ADAM2: variants seen among roughly 807,000 people sequenced by gnomAD.
The protein encoded by ADAM2 is disintegrin and metalloproteinase domain-containing protein 2.
A neutral mutation model predicts 99.3 loss-of-function variants in ADAM2; 101 were observed. The ratio of observed to expected loss-of-function variants is 1.02; its 90% CI spans 0.87 to 1.20. The LOEUF (loss-of-function observed/expected upper bound fraction) is 1.20. Ranked by LOEUF, ADAM2 falls within the 50% of genes most tolerant of loss-of-function variation. The pLI, the probability that ADAM2 is intolerant of heterozygous loss-of-function variation, is 0.00. For missense variants in ADAM2, 948 were observed against 878.7 expected (o/e 1.08, Z -1.00); for synonymous variants, 323 against 287.6 (o/e 1.12, Z -1.25).
chr8:39,807,394 T>G (rs952204968), intron 7 of ADAM2, among the ~76,000 whole-genome samples: 3 of 152,122 alleles, frequency 2.0e-5, no homozygotes, highest in Non-Finnish European at 4.4e-5. Context: ...TTGGAGCTGT[T>G]AGGATGGAAT....
At chr8:39,764,583 C>T (rs1802489859) in intron 14 of ADAM2, among the ~76,000 whole-genome samples, 1 of 152,218 alleles carries the variant, frequency 6.6e-6, no homozygotes, top group Non-Finnish European at 1.5e-5. Context: ...CAGATTTGAG[C>T]ATTGCCTTTT....
chr8:39,770,147 C>T (rs2129584289), intron 11 of ADAM2, among the ~76,000 whole-genome samples: 2 of 152,152 alleles, frequency 1.3e-5, no homozygotes, highest in Middle Eastern at 6.8e-3. Context: ...TGGGGTTTCA[C>T]CATGTTGGCC....
At chr8:39,762,140 C>T (rs1350661971) in intron 14 of ADAM2, among the ~76,000 whole-genome samples, 1 of 152,212 alleles carries the variant, frequency 6.6e-6, no homozygotes, top group Non-Finnish European at 1.5e-5. Flanking sequence ...TTTCTCATAA[C>T]CTCCAACTGC....
intron 7 of ADAM2, among the ~76,000 whole-genome samples, chr8:39,795,184 T>C (rs1371946811): frequency 6.6e-6 from 1 of 152,124 alleles, no homozygotes; most frequent in African/African-American, 2.4e-5. Flanking sequence ...TGAACATATG[T>C]GTAAGCTGTA....
rs1388371907 is a variant in ADAM2 at position 39,769,356 on chromosome 8, C to T, written c.1212+36G>A. ...TCGAATTAATAAGTAATTTTTGCTGCAATTTCAGTGCGTAGTCTTCCGAAT... is the reference window on the plus strand; with the variant it reads ...TCGAATTAATAAGTAATTTTTGCTGTAATTTCAGTGCGTAGTCTTCCGAAT... On this transcript the variant is annotated intron_variant, in intron 12 of 20. Coordinates refer to ENST00000265708, the MANE Select transcript of ADAM2 (RefSeq NM_001464.5). 29 of 1,508,632 alleles carry T rather than the reference C, an allele frequency of 1.9e-5. No homozygotes were observed. In the Admixed American group the frequency reaches 5.9e-4, roughly 31 times the overall value. The allele number at this position is 1,508,632 out of a possible 1,614,324, so 93.5% of individuals were successfully genotyped here.
At chr8:39,810,864 C>A (rs202015939) in intron 6 of ADAM2, among the ~76,000 whole-genome samples, 1 of 151,638 alleles carries the variant, frequency 6.6e-6, no homozygotes, top group Non-Finnish European at 1.5e-5. Context: ...CTAACATCAC[C>A]ATTAAAAGAA....
At chr8:39,779,319 A>G (rs534909233) in intron 10 of ADAM2, among the ~76,000 whole-genome samples, 1 of 152,176 alleles carries the variant, frequency 6.6e-6, no homozygotes, top group East Asian at 1.9e-4. Flanking sequence ...GTGCGCATGG[A>G]GAGCCTTATC....
intron 10 of ADAM2, among the ~76,000 whole-genome samples, chr8:39,783,304 A>G (rs1260003063): frequency 6.6e-6 from 1 of 152,156 alleles, no homozygotes; most frequent in African/African-American, 2.4e-5. Flanking sequence ...AGATTTTAGA[A>G]ATATATATTT....
chr8:39,749,912 T>C (rs1823654771), intron 16 of ADAM2, among the ~76,000 whole-genome samples, 168 bp from the exon 17 acceptor site: 3 of 152,136 alleles, frequency 2.0e-5, no homozygotes, highest in African/African-American at 7.2e-5. Flanking sequence ...TGAGCTACTA[T>C]GTTTCCAGCA....
At chr8:39,837,414 T>G (rs1484147422) in intron 1 of ADAM2, among the ~76,000 whole-genome samples, 1 of 151,692 alleles carries the variant, frequency 6.6e-6, no homozygotes, top group Non-Finnish European at 1.5e-5. Context: ...GAAGTCTCAC[T>G]CTGTCGCCCA....
At position 39,800,621 on chromosome 8, in the gene ADAM2, T is replaced by G. The variant is rs1000146245; in HGVS notation, c.570+8789A>C. ...CCTGGATAATATACTGAAGTGTGTT[T>G]TCCAGCTTGCTTCCATTCTCCCCAT... On this transcript the variant is annotated intron_variant, in intron 7 of 20. Transcript: ENST00000265708. 1.4e-4 allele frequency among the ~76,000 whole-genome samples: 21 copies of G among 152,308 alleles called. No homozygotes were observed. The East Asian group carries it at 2.3e-3, about 17-fold the overall frequency.
intron 11 of ADAM2, among the ~76,000 whole-genome samples, chr8:39,775,438 G>T (rs993162183): frequency 2.0e-5 from 3 of 151,968 alleles, no homozygotes; most frequent in African/African-American, 7.2e-5. Context: ...CACAGCATAG[G>T]AATCTGTGTA....
At position 39,833,997 on chromosome 8, in the gene ADAM2, T is replaced by C. The variant is rs1586170391; in HGVS notation, c.135A>G (p.Ala45=). ...SIIKEGIESQ[A]SYKIVIEGKP... ...TCCCTTCAATTACAATTTTGTAGGA[T>C]GCCTGGCAGGAGAGCACAGTAAAAA... The change falls in exon 3 of 21, where the codon GCA becomes GCG. Residue 45 remains alanine (A), a splice_region_variant and synonymous_variant. Transcript: ENST00000265708. The C allele has an allele frequency of 6.4e-7, 1 of 1,570,588 alleles. No homozygotes were observed. Among genetic ancestry groups the C allele is most frequent in the Non-Finnish European group, 8.7e-7 (1 of 1,144,138 alleles).
At chr8:39,786,155 G>A (rs570697600) in intron 10 of ADAM2, among the ~76,000 whole-genome samples, 30 of 152,266 alleles carry the variant, frequency 2.0e-4, no homozygotes, top group African/African-American at 5.3e-4. Flanking sequence ...AGGAACTACC[G>A]GGGGTGGAGG....
intron 7 of ADAM2, among the ~76,000 whole-genome samples, chr8:39,796,895 T>C (rs1803983411): frequency 6.6e-6 from 1 of 152,126 alleles, no homozygotes; most frequent in Admixed American, 6.5e-5. Context: ...GGGGTTGTTT[T>C]TTTTCTTGTA....
intron 1 of ADAM2, 135 bp downstream of exon 1, chr8:39,837,996 G>T: frequency 1.1e-6 from 1 of 927,984 alleles, no homozygotes; most frequent in Non-Finnish European, 1.7e-6. Context: ...CGGCAATGTC[G>T]GGGATGAGCT....
intron 11 of ADAM2, among the ~76,000 whole-genome samples, chr8:39,770,700 A>G (rs1802748033): frequency 6.6e-6 from 1 of 152,200 alleles, no homozygotes; most frequent in Non-Finnish European, 1.5e-5. Context: ...AACTGTGCCT[A>G]TCCATAGTTT....
At chr8:39,834,392 GC>G (rs1406755864) in intron 2 of ADAM2, among the ~76,000 whole-genome samples, 1 of 151,936 alleles carries the variant, frequency 6.6e-6, no homozygotes, top group East Asian at 1.9e-4. Flanking sequence ...CTTTACCTCT[GC>G]CCTTGATAGT....
intron 11 of ADAM2, among the ~76,000 whole-genome samples, chr8:39,772,696 C>T (rs1013917815): frequency 6.6e-6 from 1 of 151,936 alleles, no homozygotes; most frequent in Admixed American, 6.6e-5. Context: ...CACATTTCAA[C>T]CATTCATTTT....
Sources: allele counts gnomAD v4.1 joint callset (sites outside exome capture counted in the v4.1 genomes callset), GRCh38; gene constraint gnomAD v4.1.1; transcripts MANE v1.5; gene names NCBI Gene and HGNC (gene_info 2026-07-23, HGNC 2026-07-21).